The following TTC6 variants were observed in gnomAD, a reference collection of about 807,000 sequenced individuals.
TTC6 encodes the protein tetratricopeptide repeat domain 6.
TTC6 carries 172 observed loss-of-function variants against 210.4 expected under a neutral mutation model. The ratio of observed to expected loss-of-function variants is 0.82; its 90% CI spans 0.72 to 0.93. TTC6 has a LOEUF of 0.93. Ranked by LOEUF, TTC6 falls within the 40% of genes least tolerant of loss-of-function variation. The pLI, the probability that TTC6 is intolerant of heterozygous loss-of-function variation, is 0.00. For missense variants in TTC6, 2,414 were observed against 2,318.1 expected (o/e 1.04, Z -0.85); for synonymous variants, 804 against 819.6 (o/e 0.98, Z 0.32).
chr14:37,654,939 T>C (rs1206021075), intron 1 of TTC6, among the ~76,000 whole-genome samples: 1 of 152,060 alleles, frequency 6.6e-6, no homozygotes, highest in African/African-American at 2.4e-5. Context: ...ATCTGAAGAT[T>C]ATACTTTCCT....
At chr14:37,622,364 C>T (rs2095652702) in exon 1 of TTC6, 4 of 1,531,054 alleles carry the variant, frequency 2.6e-6, no homozygotes, top group East Asian at 2.5e-5. Context: ...CGCCGCGTCC[C>T]TCGGGCCTGG....
At chr14:37,727,486 G>C (rs1004440844) in intron 7 of TTC6, among the ~76,000 whole-genome samples, 1 of 151,252 alleles carries the variant, frequency 6.6e-6, no homozygotes, top group South Asian at 2.1e-4. Flanking sequence ...GTAGAGATGG[G>C]GTTTCACTGT....
chr14:37,832,327 C>CTTT (rs2096187363), intron 29 of TTC6, among the ~76,000 whole-genome samples: 1 of 63,200 alleles, frequency 1.6e-5, no homozygotes, highest in African/African-American at 4.9e-5. Flanking sequence ...TTTTCTTTCT[C>CTTT]TCTTTTTTTT....
At position 37,701,282 on chromosome 14, in the gene TTC6, T is replaced by C. The variant is rs182130034; in HGVS notation, c.1377-50T>C. ...TGTCAGTATAAATGTACTTTATATC[T>C]AAAGTCCACAAAATGATGAAAGGAG... is the stretch of plus-strand genomic sequence containing the variant. On this transcript the variant is annotated intron_variant, in intron 4 of 30. Coordinates refer to ENST00000553443, the Ensembl canonical transcript of TTC6. 35 of 1,280,462 alleles carry C rather than the reference T, an allele frequency of 2.7e-5. No homozygotes were observed. In the Admixed American group the frequency reaches 9.9e-4, roughly 36 times the overall value. The allele number at this position is 1,280,462 out of a possible 1,614,324, so 79.3% of individuals were successfully genotyped here. A position where few individuals can be genotyped will look rare whatever the true frequency, so the allele number is the denominator to read the frequency against.
In TTC6 at chr14:37,687,506, T is replaced by A. The variant is rs147268688; in HGVS notation, c.1257+4542T>A. Among the ~76,000 whole-genome samples, 102 of 152,236 alleles carry A rather than the reference T, an allele frequency of 6.7e-4. 3 individuals carry two copies. In the East Asian group the frequency reaches 0.015, roughly 23 times the overall value. ...CTACTGAGACACCAGCCAGGGCAGCTAAGGAGTGCTGGCATAACTCCTCCC... is the reference window on the plus strand; with the variant it reads ...CTACTGAGACACCAGCCAGGGCAGCAAAGGAGTGCTGGCATAACTCCTCCC... On this transcript the variant is annotated intron_variant, in intron 3 of 30. Transcript: ENST00000553443.
At chr14:37,670,474 C>CT (rs66725764) in intron 1 of TTC6, among the ~76,000 whole-genome samples, 15,786 of 121,286 alleles carry the variant, frequency 0.13, 1,460 homozygotes, top group East Asian at 0.23. Context: ...AACTACCTCA[C>CT]TTTTTTTTTT....
At chr14:37,766,908 G>A (rs896117802) in intron 14 of TTC6, among the ~76,000 whole-genome samples, 14 of 151,910 alleles carry the variant, frequency 9.2e-5, no homozygotes, top group Admixed American at 3.9e-4. Context: ...CCACTAACTC[G>A]TCATCTAGCA....
At chr14:37,643,497 G>A (rs1408364015) in intron 1 of TTC6, among the ~76,000 whole-genome samples, 2 of 152,242 alleles carry the variant, frequency 1.3e-5, no homozygotes, top group South Asian at 4.2e-4. Flanking sequence ...GTTATTTAAG[G>A]AGGGCTACAG....
At chr14:37,772,870 C>A (rs2139197393) in intron 14 of TTC6, among the ~76,000 whole-genome samples, 1 of 152,278 alleles carries the variant, frequency 6.6e-6, no homozygotes, top group South Asian at 2.1e-4. Flanking sequence ...GTTTACATCC[C>A]CACTAGCAGT....
At chr14:37,738,974 A>C (rs2095909868) in exon 10 of TTC6, 1 of 1,535,412 alleles carries the variant, frequency 6.5e-7, no homozygotes, top group Admixed American at 2.0e-5. Flanking sequence ...CTTTGATAAC[A>C]TGTGCGAAAA....
At chr14:37,754,437 C>CTTTCT (rs2095961609) in intron 14 of TTC6, among the ~76,000 whole-genome samples, 1 of 145,854 alleles carries the variant, frequency 6.9e-6, no homozygotes, top group Admixed American at 6.9e-5. Flanking sequence ...TTCTTTCTTT[C>CTTTCT]TTTTTTTTTT....
At chr14:37,794,587 G>T (rs1393260702) in intron 17 of TTC6, among the ~76,000 whole-genome samples, 1 of 150,764 alleles carries the variant, frequency 6.6e-6, no homozygotes, top group African/African-American at 2.5e-5. Flanking sequence ...CATATTGATG[G>T]TAAGCAGATT....
chr14:37,606,060 C>T (rs551328805), intron 1 of TTC6, among the ~76,000 whole-genome samples: 22 of 152,108 alleles, frequency 1.4e-4, no homozygotes, highest in East Asian at 5.8e-4. Flanking sequence ...GTTAGAACCC[C>T]GTTGGAGTTT....
intron 10 of TTC6, among the ~76,000 whole-genome samples, chr14:37,742,709 C>T (rs1043710996): frequency 2.6e-5 from 4 of 152,026 alleles, no homozygotes; most frequent in Admixed American, 1.3e-4. Context: ...TGAACCACTG[C>T]GTCTGGCCAT....
At chr14:37,720,959 T>G (rs1277300204) in intron 6 of TTC6, among the ~76,000 whole-genome samples, 1 of 152,138 alleles carries the variant, frequency 6.6e-6, no homozygotes. Flanking sequence ...TGCCTGATGT[T>G]GTCTTTGGGC....
At chr14:37,622,065 A>T (rs2095651938) in exon 1 of TTC6, 8 of 1,519,054 alleles carry the variant, frequency 5.3e-6, no homozygotes, top group Non-Finnish European at 7.0e-6. Context: ...ATTTGTCAAG[A>T]TGTCCACAAT....
chr14:37,782,637 T>A (rs967995014), intron 14 of TTC6, among the ~76,000 whole-genome samples: 2 of 152,152 alleles, frequency 1.3e-5, no homozygotes, highest in Admixed American at 1.3e-4. Flanking sequence ...CCTGCCTAAT[T>A]GCCCTGGCCA....
intron 11 of TTC6, 33 bp from the exon 14 acceptor site, chr14:37,749,681 A>T: frequency 1.5e-6 from 2 of 1,306,760 alleles, no homozygotes; most frequent in Non-Finnish European, 2.0e-6. Context: ...TTAACAAATC[A>T]ACTTTAACTG....
intron 1 of TTC6, among the ~76,000 whole-genome samples, chr14:37,604,583 T>C (rs1431339621): frequency 1.3e-5 from 2 of 152,098 alleles, no homozygotes; most frequent in African/African-American, 4.8e-5. Context: ...TGTCTGGGCA[T>C]GCCTCTCTCA....
Sources: allele counts gnomAD v4.1 joint callset (sites outside exome capture counted in the v4.1 genomes callset), GRCh38; gene constraint gnomAD v4.1.1; transcripts MANE v1.5; gene names NCBI Gene and HGNC (gene_info 2026-07-23, HGNC 2026-07-21).